PTPRD: variants seen among roughly 807,000 people sequenced by gnomAD.
PTPRD encodes receptor-type tyrosine-protein phosphatase delta.
A neutral mutation model predicts 214.5 loss-of-function variants in PTPRD; 34 were observed. The observed-to-expected ratio is 0.16, with a 90% CI of 0.12 to 0.21. The LOEUF is 0.21. PTPRD is among the 10% of genes least tolerant of loss of function. PTPRD has a pLI of 1.00. For missense variants in PTPRD, 2,545 were observed against 2,398.7 expected (o/e 1.06, Z -1.27); for synonymous variants, 1,128 against 845.7 (o/e 1.33, Z -5.79).
At position 8,518,162 on chromosome 9, in the gene PTPRD, G is replaced by C. The variant is rs2097820536; in HGVS notation, c.1229C>G (p.Thr410Arg). The change falls in exon 21 of 46, where the codon ACA (threonine) becomes AGA (arginine). Residue 410 changes from threonine (T) to arginine (R), a missense_variant. Coordinates refer to ENST00000381196, the MANE Select transcript of PTPRD (RefSeq NM_002839.4). The part of the protein sequence containing the change: ...GRGPPSEPVL[T>R]QTSEQAPSSA... ...GGATGGTGCTTGCTCTGAGGTTTGT[G>C]TTAGCACAGGTTCGCTGGGAGGCCC... The C allele has an allele frequency of 2.5e-6, 4 of 1,614,158 alleles. No individual in the cohort carries two copies. The highest frequency in any genetic ancestry group is 3.4e-6 in the Non-Finnish European group (4 of 1,180,032).
chr9:9,190,456 C>G (rs867923412), intron 9 of PTPRD, among the ~76,000 whole-genome samples: 3 of 152,022 alleles, frequency 2.0e-5, no homozygotes, highest in Admixed American at 6.6e-5. Context: ...TCTCTTGCAG[C>G]TGCCATGTAA....
intron 8 of PTPRD, among the ~76,000 whole-genome samples, chr9:9,573,850 T>C (rs963841309): frequency 3.3e-5 from 5 of 151,816 alleles, no homozygotes; most frequent in African/African-American, 4.8e-5. Flanking sequence ...TTCTTAGAGA[T>C]GGCTGTTATC....
At chr9:9,694,358 C>G (rs145091439) in intron 7 of PTPRD, among the ~76,000 whole-genome samples, 139 of 152,120 alleles carry the variant, frequency 9.1e-4, no homozygotes, top group African/African-American at 2.9e-3. Flanking sequence ...GAATTCTCTA[C>G]ATTGCTAGGC....
chr9:10,590,385 A>C, intron 2 of PTPRD, among the ~76,000 whole-genome samples: 1 of 152,034 alleles, frequency 6.6e-6, no homozygotes, highest in Non-Finnish European at 1.5e-5. Context: ...TTTTTCAAAC[A>C]CATATACCCA....
chr9:9,561,051 G>A (rs1401253798), intron 8 of PTPRD, among the ~76,000 whole-genome samples: 1 of 152,140 alleles, frequency 6.6e-6, no homozygotes, highest in Non-Finnish European at 1.5e-5. Flanking sequence ...AGCCCCAAGA[G>A]CCAAGCAAGC....
chr9:8,847,209 C>T (rs1459480221), intron 11 of PTPRD, among the ~76,000 whole-genome samples: 8 of 151,472 alleles, frequency 5.3e-5, no homozygotes, highest in East Asian at 1.9e-4. Context: ...AAATTCAGGT[C>T]GAGTCTGTTA....
chr9:10,581,026 T>C (rs1177120939), intron 2 of PTPRD, among the ~76,000 whole-genome samples: 1 of 152,180 alleles, frequency 6.6e-6, no homozygotes, highest in East Asian at 1.9e-4. Flanking sequence ...CCTGGCTGCA[T>C]GTGTTCCCAT....
At chr9:10,473,032 G>C (rs1251314595) in intron 2 of PTPRD, among the ~76,000 whole-genome samples, 3 of 151,896 alleles carry the variant, frequency 2.0e-5, no homozygotes, top group Non-Finnish European at 2.9e-5. Context: ...AATACATTAA[G>C]ATTATTTTAA....
intron 8 of PTPRD, among the ~76,000 whole-genome samples, chr9:9,546,185 G>C (rs10977843): frequency 6.6e-6 from 1 of 151,372 alleles, no homozygotes; most frequent in South Asian, 2.1e-4. Flanking sequence ...ATTAATCTTA[G>C]ATCCTGAAGC....
intron 3 of PTPRD, among the ~76,000 whole-genome samples, chr9:10,269,393 G>T (rs1013990724): frequency 4.3e-4 from 66 of 152,272 alleles, no homozygotes; most frequent in African/African-American, 1.5e-3. Flanking sequence ...TTGTATGTAT[G>T]CATGTATATA....
chr9:10,518,963 T>A (rs2051148964), intron 2 of PTPRD, among the ~76,000 whole-genome samples: 1 of 152,038 alleles, frequency 6.6e-6, no homozygotes, highest in Non-Finnish European at 1.5e-5. Context: ...ATTTTCTTTT[T>A]CTGGGTAGAT....
At chr9:9,885,223 T>A (rs1430260794) in intron 5 of PTPRD, among the ~76,000 whole-genome samples, 1 of 151,958 alleles carries the variant, frequency 6.6e-6, no homozygotes, top group African/African-American at 2.4e-5. Flanking sequence ...ATATATTGAA[T>A]AAAAATTAGA....
chr9:9,762,223 C>T (rs940249045), intron 6 of PTPRD, among the ~76,000 whole-genome samples: 10 of 152,120 alleles, frequency 6.6e-5, no homozygotes, highest in Non-Finnish European at 1.5e-4. Flanking sequence ...GCCAAAAAGC[C>T]CTATTGTCCT....
intron 12 of PTPRD, among the ~76,000 whole-genome samples, chr9:8,715,704 A>T (rs2098424959): frequency 6.6e-6 from 1 of 152,214 alleles, no homozygotes; most frequent in Non-Finnish European, 1.5e-5. Context: ...ACAGAGAAAA[A>T]TATAAATTGA....
chr9:10,053,627 G>A (rs1412111156), intron 3 of PTPRD, among the ~76,000 whole-genome samples: 1 of 152,154 alleles, frequency 6.6e-6, no homozygotes. Flanking sequence ...ATAGCTCATT[G>A]AGGTTTTCAG....
chr9:8,892,265 G>A (rs2098546187), intron 11 of PTPRD, among the ~76,000 whole-genome samples: 1 of 152,066 alleles, frequency 6.6e-6, no homozygotes, highest in Non-Finnish European at 1.5e-5. Context: ...TCTCTAGCAG[G>A]GAGTAGGCCA....
chr9:9,779,035 C>G (rs1390748253), intron 5 of PTPRD, among the ~76,000 whole-genome samples: 1 of 111,890 alleles, frequency 8.9e-6, no homozygotes, highest in African/African-American at 3.4e-5. Context: ...ATAGAAAACT[C>G]AAAGCCTCAC....
At chr9:9,647,474 A>G (rs753603200) in intron 7 of PTPRD, among the ~76,000 whole-genome samples, 7 of 152,168 alleles carry the variant, frequency 4.6e-5, no homozygotes, top group Non-Finnish European at 8.8e-5. Context: ...TGGGTTAAAT[A>G]TGCATTTCTC....
chr9:9,109,720 T>C (rs1418873499), intron 10 of PTPRD, among the ~76,000 whole-genome samples: 1 of 152,142 alleles, frequency 6.6e-6, no homozygotes, highest in African/African-American at 2.4e-5. Context: ...TCTTGGATGA[T>C]ATCTTTCTAA....
Sources: gnomAD v4.1 joint callset for allele counts (sites outside exome capture counted in the v4.1 genomes callset) on GRCh38, gnomAD v4.1.1 for gene constraint, MANE v1.5 for transcripts, NCBI Gene and HGNC (gene_info 2026-07-23, HGNC 2026-07-21) for gene names.